The following CNTNAP2 variants were observed in gnomAD, a reference collection of about 807,000 sequenced individuals.
CNTNAP2 encodes contactin-associated protein-like 2.
Under a neutral mutation model 155.2 loss-of-function variants are expected in CNTNAP2, and 98 were observed. That is an observed-to-expected ratio of 0.63 (90% confidence interval 0.54 to 0.75). CNTNAP2 has a LOEUF of 0.75. Among genes scored for constraint, CNTNAP2 ranks in the 30% least tolerant of loss-of-function variants. The pLI is 0.00. For synonymous variants in CNTNAP2, 651 were observed against 631.2 expected, an observed-to-expected ratio of 1.03 and a Z score of -0.47; for missense variants, 1,727 against 1,688.1, an observed-to-expected ratio of 1.02 and a Z score of -0.40.
intron 1 of CNTNAP2, among the ~76,000 whole-genome samples, chr7:146,568,904 T>C (rs1313341492): frequency 1.4e-4 from 22 of 152,110 alleles, no homozygotes; most frequent in Non-Finnish European, 3.2e-4. Flanking sequence ...GTGTGACTGT[T>C]TGGATTAAAT....
chr7:147,727,062 A>G (rs1796656009), intron 13 of CNTNAP2, among the ~76,000 whole-genome samples: 1 of 151,896 alleles, frequency 6.6e-6, no homozygotes, highest in Admixed American at 6.6e-5. Flanking sequence ...ACAAAATTGT[A>G]TACATTAATT....
At chr7:146,933,251 T>C (rs1796822032) in intron 3 of CNTNAP2, among the ~76,000 whole-genome samples, 2 of 151,966 alleles carry the variant, frequency 1.3e-5, no homozygotes, top group Non-Finnish European at 2.9e-5. Flanking sequence ...TATAGATCAA[T>C]GGAACAGAAC....
intron 13 of CNTNAP2, among the ~76,000 whole-genome samples, chr7:147,699,741 A>C (rs1015783565): frequency 4.6e-5 from 7 of 152,138 alleles, no homozygotes; most frequent in Non-Finnish European, 1.0e-4. Flanking sequence ...TGGGGCAATT[A>C]GTGCACGTAT....
At chr7:146,794,522 T>C (rs1184669331) in intron 2 of CNTNAP2, among the ~76,000 whole-genome samples, 1 of 152,152 alleles carries the variant, frequency 6.6e-6, no homozygotes, top group East Asian at 1.9e-4. Flanking sequence ...GGATATCAGT[T>C]GTGAATAAAA....
chr7:147,251,992 T>C (rs1804210172), intron 8 of CNTNAP2, among the ~76,000 whole-genome samples: 1 of 152,160 alleles, frequency 6.6e-6, no homozygotes. Flanking sequence ...AGTAAGAATC[T>C]TTGGGAATAT....
intron 15 of CNTNAP2, among the ~76,000 whole-genome samples, chr7:148,036,644 C>A (rs10281082): frequency 0.33 from 50,464 of 151,792 alleles, 9,369 homozygotes; most frequent in East Asian, 0.75. Flanking sequence ...ATTCTTTATA[C>A]GTTACTGAGT....
intron 15 of CNTNAP2, among the ~76,000 whole-genome samples, chr7:148,108,521 T>C (rs1387369980): frequency 6.6e-6 from 1 of 152,162 alleles, no homozygotes. Flanking sequence ...CGCTGCAGGC[T>C]TAGCTGTCAA....
rs56214930 is a variant in CNTNAP2, at chr7:146,875,953, A to C, written c.402+36049A>C. On this transcript the variant is annotated intron_variant, in intron 3 of 23. Transcript: ENST00000361727. ...ACACAGCAAAAAAAAAAAAAAAAAAAAAAAAAAACAAAAAACAAAAAAACG... is the reference window on the plus strand; with the variant it reads ...ACACAGCAAAAAAAAAAAAAAAAAACAAAAAAAACAAAAAACAAAAAAACG... Among the ~76,000 whole-genome samples the C allele has an allele frequency of 8.3e-3, 1,205 of 145,802 alleles. 12 individuals carry two copies. Among genetic ancestry groups the C allele is most frequent in the Middle Eastern group, 0.025 (7 of 284 alleles).
At chr7:146,838,557 A>G (rs1803660275) in intron 2 of CNTNAP2, among the ~76,000 whole-genome samples, 1 of 152,300 alleles carries the variant, frequency 6.6e-6, no homozygotes, top group Admixed American at 6.5e-5. Flanking sequence ...ACCTCAGGTG[A>G]TCCACCTGCC....
At chr7:148,115,879 C>T (rs1804458367) in intron 15 of CNTNAP2, among the ~76,000 whole-genome samples, 1 of 152,050 alleles carries the variant, frequency 6.6e-6, no homozygotes, top group Non-Finnish European at 1.5e-5. Context: ...TGGCTCATGC[C>T]TGTAATCGCA....
At chr7:146,813,402 A>G (rs368592571) in intron 2 of CNTNAP2, among the ~76,000 whole-genome samples, 12 of 152,298 alleles carry the variant, frequency 7.9e-5, no homozygotes, top group African/African-American at 2.9e-4. Flanking sequence ...GAGTCAAAGG[A>G]GATAACTTTG....
intron 1 of CNTNAP2, among the ~76,000 whole-genome samples, chr7:146,169,821 A>T (rs1444750303): frequency 1.3e-5 from 2 of 151,242 alleles, no homozygotes; most frequent in Non-Finnish European, 2.9e-5. Context: ...AGGTTGAATA[A>T]TATTTTATTA....
intron 1 of CNTNAP2, among the ~76,000 whole-genome samples, chr7:146,280,484 A>AT (rs1165276222): frequency 6.6e-6 from 1 of 152,062 alleles, no homozygotes; most frequent in Non-Finnish European, 1.5e-5. Flanking sequence ...GGCCAGGTGA[A>AT]TTGCTGATCA....
intron 1 of CNTNAP2, among the ~76,000 whole-genome samples, chr7:146,172,030 GTATT>G (rs1207212027): frequency 3.5e-4 from 26 of 73,786 alleles, no homozygotes; most frequent in African/African-American, 1.3e-3. Flanking sequence ...AATGCTCTTA[GTATT>G]TTTTTTTTTT....
chr7:147,230,347 T>C (rs1263653205), intron 8 of CNTNAP2, among the ~76,000 whole-genome samples: 1 of 152,142 alleles, frequency 6.6e-6, no homozygotes, highest in Non-Finnish European at 1.5e-5. Flanking sequence ...AACCTCCGCC[T>C]CCTGGGTTCA....
chr7:146,514,874 A>G (rs778334694), intron 1 of CNTNAP2, among the ~76,000 whole-genome samples: 2 of 152,016 alleles, frequency 1.3e-5, no homozygotes, highest in Non-Finnish European at 2.9e-5. Context: ...GGTGTACTGT[A>G]TAGTTTACTT....
intron 1 of CNTNAP2, among the ~76,000 whole-genome samples, chr7:146,172,235 C>T (rs903225967): frequency 5.9e-5 from 9 of 152,000 alleles, no homozygotes; most frequent in Admixed American, 3.9e-4. Context: ...TAGGATGCCT[C>T]CCAGGAAACA....
At chr7:147,953,257 A>G (rs1800966425) in intron 14 of CNTNAP2, among the ~76,000 whole-genome samples, 1 of 152,202 alleles carries the variant, frequency 6.6e-6, no homozygotes, top group Admixed American at 6.5e-5. Context: ...AATAGTGTGT[A>G]TTCTTATCAA....
intron 16 of CNTNAP2, among the ~76,000 whole-genome samples, chr7:148,142,921 A>G (rs1183510464): frequency 6.6e-6 from 1 of 152,226 alleles, no homozygotes; most frequent in East Asian, 1.9e-4. Flanking sequence ...CATTACTTTA[A>G]GCCTTTCAGA....
Sources: gnomAD v4.1 joint callset for allele counts (sites outside exome capture counted in the v4.1 genomes callset) on GRCh38, gnomAD v4.1.1 for gene constraint, MANE v1.5 for transcripts, NCBI Gene and HGNC (gene_info 2026-07-23, HGNC 2026-07-21) for gene names.